The following NADSYN1 variants were observed in gnomAD, a reference collection of about 807,000 sequenced individuals.
NADSYN1 encodes the protein NAD synthetase 1, also known as glutamine-dependent NAD(+) synthetase.
A neutral mutation model predicts 99.3 loss-of-function variants in NADSYN1; 80 were observed. That is an observed-to-expected ratio of 0.81 (90% CI 0.67 to 0.97). The LOEUF is 0.97. Ranked by LOEUF, NADSYN1 falls within the 50% of genes least tolerant of loss-of-function variation. The probability of loss-of-function intolerance (pLI) is 0.00; values close to 1 mark genes in which losing one functional copy is unlikely to be tolerated. For missense variants in NADSYN1, 859 were observed against 948.5 expected (o/e 0.91, Z 1.24); for synonymous variants, 385 against 372.1 (o/e 1.03, Z -0.40).
chr11:71,479,757 C>T (rs1224801981), intron 10 of NADSYN1: 1 of 152,270 alleles, frequency 6.6e-6, no homozygotes, highest in Non-Finnish European at 1.5e-5. Flanking sequence ...CTGCACCGAT[C>T]CCCTGCAGGG....
At chr11:71,498,841 G>C (rs938902922) in intron 20 of NADSYN1, 1 of 212,830 alleles carries the variant, frequency 4.7e-6, no homozygotes, top group African/African-American at 2.3e-5. Flanking sequence ...TGTGGTAAGA[G>C]CACTTAAAAT....
intron 5 of NADSYN1, 157 bp downstream of exon 5, chr11:71,464,299 A>C (rs1262065431): frequency 3.2e-6 from 2 of 624,226 alleles, no homozygotes; most frequent in Admixed American, 2.9e-5. Context: ...AAAGCCAAAA[A>C]AGAATGAAGC....
intron 9 of NADSYN1, chr11:71,476,364 T>C (rs1470924355): frequency 5.7e-6 from 2 of 352,060 alleles, no homozygotes; most frequent in South Asian, 2.2e-5. Context: ...TCGCCGACTC[T>C]GCGAGGCTGT....
intron 2 of NADSYN1, 46 bp from the exon 3 acceptor site, chr11:71,458,382 C>A: frequency 6.8e-7 from 1 of 1,480,092 alleles, no homozygotes; most frequent in Non-Finnish European, 9.5e-7. Context: ...CCCCTCCCCG[C>A]TCACCTGAGT....
Position 71,497,706 on chromosome 11 carries a change from T to G in NADSYN1, c.1893+95T>G, listed in dbSNP as rs1045721404. 2.9e-5 allele frequency: 43 copies of G among 1,487,364 alleles called. 1 individual carries two copies. The highest frequency in any genetic ancestry group is 4.0e-5 in the Non-Finnish European group (43 of 1,077,778). 92.1% of individuals were successfully genotyped at this position (1,487,364 alleles called of 1,614,324 possible). A position where few individuals can be genotyped will look rare whatever the true frequency, so the allele number is the denominator to read the frequency against. On this transcript the variant is annotated intron_variant, in intron 19 of 20. Coordinates refer to ENST00000319023, the MANE Select transcript of NADSYN1 (RefSeq NM_018161.5). ...ACCTGTAGGAACAAGTAGATAACAG[T>G]GTGACCCTAACGTAATAAAACTGTA... is the stretch of plus-strand genomic sequence containing the variant.
chr11:71,465,234 T>C (rs2120419202), intron 5 of NADSYN1, among the ~76,000 whole-genome samples: 1 of 152,244 alleles, frequency 6.6e-6, no homozygotes, highest in Middle Eastern at 3.4e-3. Context: ...ATTGTGCCTG[T>C]GTAGGACATT....
intron 5 of NADSYN1, among the ~76,000 whole-genome samples, chr11:71,468,025 C>G (rs778301876): frequency 6.6e-6 from 1 of 152,190 alleles, no homozygotes; most frequent in Non-Finnish European, 1.5e-5. Context: ...ACTCCTGCTT[C>G]GTAGTGGTGA....
In NADSYN1 at chr11:71,497,472, G is replaced by T. The variant is rs1303561689; in HGVS notation, c.1765-11G>T. ...TGCTGTCATCATGGAACAGATTTTT[G>T]TTGTGCACAGGAAGATATGGGGATG... On this transcript the variant is annotated splice_polypyrimidine_tract_variant and intron_variant, in intron 18 of 20. Transcript: ENST00000319023. 3.7e-6 allele frequency: 6 copies of T among 1,613,910 alleles called. No homozygotes were observed. The highest frequency in any genetic ancestry group is 1.6e-4 in the Middle Eastern group (1 of 6,062).
In NADSYN1 at chr11:71,485,260, C is replaced by T. The variant is rs73526553; in HGVS notation, c.1456-282C>T. 2,266 of 247,548 alleles carry T rather than the reference C, an allele frequency of 9.2e-3. 52 individuals are homozygous for T. The highest frequency in any genetic ancestry group is 0.047 in the African/African-American group (2,113 of 44,508). The allele number at this position is 247,548 out of a possible 1,614,324, so 15.3% of individuals were successfully genotyped here. ...GCCAAGCTTTCTCCCAGGGACCCCA[C>T]GGCTCAGTCCTGCCACCAGTGCTCC... is the stretch of plus-strand genomic sequence containing the variant. On this transcript the variant is annotated intron_variant, in intron 15 of 20. Coordinates refer to ENST00000319023, the MANE Select transcript of NADSYN1 (RefSeq NM_018161.5).
rs745377969 is a variant in NADSYN1, at chr11:71,484,296, A to G, written c.1320-16A>G. 25 of 1,611,408 alleles carry G rather than the reference A, an allele frequency of 1.6e-5. No homozygotes were observed. The Admixed American group carries it at 2.0e-4, about 13-fold the overall frequency. On this transcript the variant is annotated splice_polypyrimidine_tract_variant and intron_variant, in intron 14 of 20. Transcript: ENST00000319023. ...CGTGCACATGCTGCCTTCAACGCCT[A>G]TCCTTCTCCTTCCAGCCACCACATC...
At chr11:71,458,338 G>T (rs1949526470) in intron 2 of NADSYN1, 90 bp from the exon 3 acceptor site, 1 of 934,252 alleles carries the variant, frequency 1.1e-6, no homozygotes, top group Non-Finnish European at 1.7e-6. Flanking sequence ...CCGGCCCCCA[G>T]ACACGTTCAG....
At chr11:71,484,262 A>G (rs2120483941) in intron 14 of NADSYN1, 50 bp from the exon 15 acceptor site, 3 of 1,598,142 alleles carry the variant, frequency 1.9e-6, no homozygotes, top group South Asian at 1.1e-5. Flanking sequence ...GCGCACACAC[A>G]TGCACACACG....
intron 5 of NADSYN1, chr11:71,466,850 G>T (rs1262663170): frequency 1.3e-5 from 2 of 152,178 alleles, no homozygotes; most frequent in Non-Finnish European, 2.9e-5. Flanking sequence ...AGAATACATT[G>T]AGCCTAAAAA....
chr11:71,478,532 C>A, intron 10 of NADSYN1, 63 bp downstream of exon 10: 1 of 1,433,826 alleles, frequency 7.0e-7, no homozygotes, highest in South Asian at 1.2e-5. Context: ...TGGCCCCATT[C>A]GTGCGGGCCT....
chr11:71,464,154 GC>G lies in NADSYN1; in HGVS notation c.407+14del, dbSNP rs1949571658. ...TGGTCGAGGAGTCGGTGAGTCGGGTGCCTGACCACTCCTGGGATGTGCGTTA... is the reference window on the plus strand; with the variant it reads ...TGGTCGAGGAGTCGGTGAGTCGGGTGCTGACCACTCCTGGGATGTGCGTTA... On this transcript the variant is annotated intron_variant, in intron 5 of 20. Coordinates refer to ENST00000319023, the MANE Select transcript of NADSYN1 (RefSeq NM_018161.5). 6.3e-7 allele frequency: 1 copy of G among 1,596,000 alleles called. No homozygotes were observed. The highest frequency in any genetic ancestry group is 1.3e-5 in the African/African-American group (1 of 74,822).
rs1418627801 is a variant in NADSYN1, at chr11:71,455,205, C to T, written c.146+35C>T. 2.6e-6 allele frequency: 4 copies of T among 1,554,476 alleles called. No homozygotes were observed. In the East Asian group the frequency reaches 9.0e-5, roughly 35 times the overall value. On this transcript the variant is annotated intron_variant, in intron 2 of 20. Coordinates refer to ENST00000319023, the MANE Select transcript of NADSYN1 (RefSeq NM_018161.5). Reference sequence around the variant, plus strand: ...GACACAGACACCCTGGGGTCGTCAGCTAGCGATACCAGCATCAGTTTTCCC... The same window carrying T: ...GACACAGACACCCTGGGGTCGTCAGTTAGCGATACCAGCATCAGTTTTCCC...
intron 17 of NADSYN1, among the ~76,000 whole-genome samples, chr11:71,491,335 G>A (rs1279611675): frequency 6.6e-6 from 1 of 152,252 alleles, no homozygotes; most frequent in African/African-American, 2.4e-5. Flanking sequence ...ACCTTTCTTC[G>A]GCCTTTGCCG....
In NADSYN1 at chr11:71,484,466, G is replaced by A. The variant is rs1453204849; in HGVS notation, c.1455+19G>A. On this transcript the variant is annotated intron_variant, in intron 15 of 20. Transcript: ENST00000319023. Reference sequence around the variant, plus strand: ...TGTGCAGGTGCCCCCGCCTGGGCCGGCGTCCCCTGGGGGTGGGGGTGCAGG... The same window carrying A: ...TGTGCAGGTGCCCCCGCCTGGGCCGACGTCCCCTGGGGGTGGGGGTGCAGG... 1 of 1,605,828 alleles carries A rather than the reference G, an allele frequency of 6.2e-7. No homozygotes were observed.
intron 15 of NADSYN1, chr11:71,485,258 C>T (rs1242591274): frequency 4.1e-6 from 1 of 246,194 alleles, no homozygotes; most frequent in Non-Finnish European, 7.8e-6. Flanking sequence ...CCAGGGACCC[C>T]ACGGCTCAGT....
Sources: gnomAD v4.1 joint callset for allele counts (sites outside exome capture counted in the v4.1 genomes callset) on GRCh38, gnomAD v4.1.1 for gene constraint, MANE v1.5 for transcripts, NCBI Gene and HGNC (gene_info 2026-07-23, HGNC 2026-07-21) for gene names.